The following STAT4 variants were observed in gnomAD, a reference collection of about 807,000 sequenced individuals.
STAT4 encodes signal transducer and activator of transcription 4.
Under a neutral mutation model 110.5 loss-of-function variants are expected in STAT4, and 42 were observed. The observed-to-expected ratio is 0.38, with a 90% CI of 0.30 to 0.49. The LOEUF (loss-of-function observed/expected upper bound fraction) is 0.49. STAT4 is among the 20% of genes least tolerant of loss of function. The pLI, the probability that STAT4 is intolerant of heterozygous loss-of-function variation, is 0.95. For missense variants in STAT4, 632 were observed against 887.9 expected (o/e 0.71, Z 3.66); for synonymous variants, 284 against 302.2 (o/e 0.94, Z 0.63).
chr2:191,146,637 T>C lies in STAT4; in HGVS notation c.249A>G (p.Leu83=), dbSNP rs546810787. The C allele has an allele frequency of 3.2e-6, 5 of 1,570,236 alleles. No individual in the cohort carries two copies. Among genetic ancestry groups the C allele is most frequent in the South Asian group, 2.5e-5 (2 of 81,560 alleles). ...KEKNLLLIHN[L]KRIRKVLQGK... Reference sequence around the variant, plus strand: ...CCTGAAGGACCTTCCTAATTCTTTTTAGATTGTGTATCAAGAGTAGGTTTT... The same window carrying C: ...CCTGAAGGACCTTCCTAATTCTTTTCAGATTGTGTATCAAGAGTAGGTTTT... Residue 83 remains leucine (L), a synonymous_variant, in exon 3 of 24, where the codon CTA becomes CTG. Coordinates refer to ENST00000392320, the MANE Select transcript of STAT4 (RefSeq NM_003151.4). This position sits in a 1 kb window ranked among gnomAD's most constrained non-coding sequence, Gnocchi z 4.5.
In STAT4 at chr2:191,083,564, C is replaced by T. The variant is rs1007745056; in HGVS notation, c.274-7239G>A. ...TAACTACCTACAACCATACTTCTCT[C>T]AAATGTAGATATTTATTCTTTGTGG... On this transcript the variant is annotated intron_variant, in intron 3 of 23. Transcript: ENST00000392320. This position sits in a 1 kb window ranked among gnomAD's most constrained non-coding sequence, Gnocchi z 4.6. Among the ~76,000 whole-genome samples, 1 of 152,178 alleles carries T rather than the reference C, an allele frequency of 6.6e-6. No homozygotes were observed. Among genetic ancestry groups the T allele is most frequent in the Non-Finnish European group, 1.5e-5 (1 of 68,034 alleles).
intron 3 of STAT4, among the ~76,000 whole-genome samples, chr2:191,130,048 C>A (rs543973603): frequency 3.3e-5 from 5 of 152,154 alleles, no homozygotes; most frequent in Middle Eastern, 3.4e-3. Flanking sequence ...GGAATTCCTT[C>A]CTTGAAGGTA....
Position 191,033,762 on chromosome 2 carries a change from C to T in STAT4, c.1716-136G>A. 2 of 1,338,040 alleles carry T rather than the reference C, an allele frequency of 1.5e-6. No homozygotes were observed. The highest frequency in any genetic ancestry group is 2.9e-5 in the South Asian group (2 of 68,558). 82.9% of individuals were successfully genotyped at this position (1,338,040 alleles called of 1,614,324 possible). On this transcript the variant is annotated intron_variant, in intron 19 of 23. Coordinates refer to ENST00000392320, the MANE Select transcript of STAT4 (RefSeq NM_003151.4). This position sits in a 1 kb window ranked among gnomAD's most constrained non-coding sequence, Gnocchi z 6.9. ...AAATACTCATATATAGATTAATATACATAGTGCCACTCCACAAAGAATAAG... is the reference window on the plus strand; with the variant it reads ...AAATACTCATATATAGATTAATATATATAGTGCCACTCCACAAAGAATAAG...
In STAT4 at chr2:191,033,886, A is replaced by T; in HGVS notation, c.1715+25T>A. On this transcript the variant is annotated intron_variant, in intron 19 of 23. Transcript: ENST00000392320. This position sits in a 1 kb window ranked among gnomAD's most constrained non-coding sequence, Gnocchi z 6.9. ...GAAAAAAAGAACATAATTAACTCAT[A>T]TGAAAAATATAGCCTATAACTTACC... 6.5e-7 allele frequency: 1 copy of T among 1,537,210 alleles called. No homozygotes were observed. The highest frequency in any genetic ancestry group is 8.8e-7 in the Non-Finnish European group (1 of 1,130,620).
chr2:191,038,755 C>T (rs1696111204), intron 16 of STAT4, among the ~76,000 whole-genome samples: 1 of 152,190 alleles, frequency 6.6e-6, no homozygotes, highest in Non-Finnish European at 1.5e-5. Flanking sequence ...TGAAAATGTG[C>T]ACTGTCAGAA....
rs1698476699 is a variant in STAT4, at chr2:191,113,250, C to T, written c.273+33363G>A. 6.6e-6 allele frequency among the ~76,000 whole-genome samples: 1 copy of T among 152,220 alleles called. No homozygotes were observed. Among genetic ancestry groups the T allele is most frequent in the Admixed American group, 6.5e-5 (1 of 15,278 alleles). On this transcript the variant is annotated intron_variant, in intron 3 of 23. Transcript: ENST00000392320. This position sits in a 1 kb window ranked among gnomAD's most constrained non-coding sequence, Gnocchi z 4.8. ...ATTTGTACTGAACAGCAATTATTGC[C>T]AGGCACTGATCTCACTGCTGTGAGT...
Position 191,031,810 on chromosome 2 carries a change from G to A in STAT4, c.2045-294C>T, listed in dbSNP as rs561720812. Among the ~76,000 whole-genome samples the A allele has an allele frequency of 3.9e-5, 6 of 152,096 alleles. No homozygotes were observed. The highest frequency in any genetic ancestry group is 5.9e-5 in the Non-Finnish European group (4 of 68,016). ...ATCAACTCTATTACCTGTTTTCTACGTTTCATTTATGTTTGATTATAAGGA... is the reference window on the plus strand; with the variant it reads ...ATCAACTCTATTACCTGTTTTCTACATTTCATTTATGTTTGATTATAAGGA... On this transcript the variant is annotated intron_variant, in intron 21 of 23. Coordinates refer to ENST00000392320, the MANE Select transcript of STAT4 (RefSeq NM_003151.4). The surrounding 1 kb of genome is among the most constrained non-coding windows in gnomAD (Gnocchi z 4.8).
chr2:191,125,332 G>A (rs987994187), intron 3 of STAT4, among the ~76,000 whole-genome samples: 41 of 151,922 alleles, frequency 2.7e-4, no homozygotes, highest in Admixed American at 2.0e-4. Flanking sequence ...GGCTACCTGC[G>A]TAACTTTACA....
chr2:191,044,839 C>A (rs185236915), intron 14 of STAT4, among the ~76,000 whole-genome samples: 56 of 152,184 alleles, frequency 3.7e-4, no homozygotes, highest in African/African-American at 1.3e-3. Context: ...AAGTTTGGGG[C>A]TTAATTAGTG....
intron 3 of STAT4, among the ~76,000 whole-genome samples, chr2:191,115,663 C>T (rs1446472640): frequency 6.6e-6 from 1 of 152,174 alleles, no homozygotes; most frequent in South Asian, 2.1e-4. Flanking sequence ...CCGAATGCTC[C>T]TCCCACAAGC....
intron 3 of STAT4, among the ~76,000 whole-genome samples, chr2:191,085,906 A>C (rs1697621316): frequency 6.6e-6 from 1 of 152,086 alleles, no homozygotes; most frequent in South Asian, 2.1e-4. Flanking sequence ...TTTGTTTTTC[A>C]AAGTCAAGAA....
At chr2:191,145,552 T>C (rs1257078503) in intron 3 of STAT4, among the ~76,000 whole-genome samples, 1 of 152,190 alleles carries the variant, frequency 6.6e-6, no homozygotes, top group Non-Finnish European at 1.5e-5. Context: ...TTGTCGGCAA[T>C]ATGCTATTGT....
At chr2:191,100,852 C>A (rs1427884763) in intron 3 of STAT4, among the ~76,000 whole-genome samples, 3 of 151,800 alleles carry the variant, frequency 2.0e-5, no homozygotes, top group African/African-American at 7.3e-5. Context: ...TGATAATGGA[C>A]TTGACACCCT....
At chr2:191,089,067 A>G (rs1180716795) in intron 3 of STAT4, among the ~76,000 whole-genome samples, 1 of 152,232 alleles carries the variant, frequency 6.6e-6, no homozygotes, top group Non-Finnish European at 1.5e-5. Flanking sequence ...GGCAAAATTC[A>G]TGAAACGACA....
intron 4 of STAT4, among the ~76,000 whole-genome samples, chr2:191,074,819 C>A (rs1370075142): frequency 6.6e-6 from 1 of 152,070 alleles, no homozygotes; most frequent in Non-Finnish European, 1.5e-5. Context: ...CCCAAAACAG[C>A]CATAACCTGA....
In STAT4 at chr2:191,142,769, G is replaced by GA. The variant is rs1699370049; in HGVS notation, c.273+3843dup. 6.6e-6 allele frequency among the ~76,000 whole-genome samples: 1 copy of GA among 152,038 alleles called. No individual in the cohort carries two copies. Among genetic ancestry groups the GA allele is most frequent in the Non-Finnish European group, 1.5e-5 (1 of 68,004 alleles). ...ATAAAAAAAGAATTATCACATGGGA[G>GA]AAAAATCCAGAGAGTGAAAAGATCG... On this transcript the variant is annotated intron_variant, in intron 3 of 23. Coordinates refer to ENST00000392320, the MANE Select transcript of STAT4 (RefSeq NM_003151.4). The surrounding 1 kb of genome is among the most constrained non-coding windows in gnomAD (Gnocchi z 4.1).
At position 191,095,224 on chromosome 2, in the gene STAT4, G is replaced by A. The variant is rs950850995; in HGVS notation, c.274-18899C>T. ...CAGATCAACGAGACAGGTTAACAAG[G>A]ATATCCAGGAACTGAACTCAGCTCT... On this transcript the variant is annotated intron_variant, in intron 3 of 23. Coordinates refer to ENST00000392320, the MANE Select transcript of STAT4 (RefSeq NM_003151.4). Among the ~76,000 whole-genome samples the A allele has an allele frequency of 3.9e-5, 6 of 152,106 alleles. No homozygotes were observed. In the East Asian group the frequency reaches 9.6e-4, roughly 24 times the overall value.
intron 14 of STAT4, among the ~76,000 whole-genome samples, chr2:191,044,109 G>C (rs1436539049): frequency 6.6e-6 from 1 of 151,992 alleles, no homozygotes; most frequent in Non-Finnish European, 1.5e-5. Context: ...GGGTGTTCAT[G>C]CTATTATTCT....
intron 18 of STAT4, 73 bp downstream of exon 18, chr2:191,034,475 G>A (rs2125145405): frequency 9.5e-7 from 1 of 1,051,672 alleles, no homozygotes. Flanking sequence ...AAAACCCCAT[G>A]TAGTAATAGA....
Sources: allele counts gnomAD v4.1 joint callset (sites outside exome capture counted in the v4.1 genomes callset), GRCh38; gene constraint gnomAD v4.1.1; non-coding constraint Gnocchi (gnomAD v3.1); transcripts MANE v1.5; gene names NCBI Gene and HGNC (gene_info 2026-07-23, HGNC 2026-07-21).